Variants in PCDH15 observed in about 807,000 individuals in gnomAD.
The protein encoded by PCDH15 is protocadherin related 15, also known as protocadherin-15.
A neutral mutation model predicts 178.5 loss-of-function variants in PCDH15; 129 were observed. The ratio of observed to expected loss-of-function variants is 0.72; its 90% CI spans 0.63 to 0.84. The LOEUF (loss-of-function observed/expected upper bound fraction) is 0.84. Among genes scored for constraint, PCDH15 ranks in the 40% least tolerant of loss-of-function variants. The pLI, the probability that PCDH15 is intolerant of heterozygous loss-of-function variation, is 0.00. For synonymous variants in PCDH15, 800 were observed against 732.0 expected (o/e 1.09, Z -1.50); for missense variants, 2,230 against 2,099.9 (o/e 1.06, Z -1.21).
intron 1 of PCDH15, among the ~76,000 whole-genome samples, chr10:55,204,991 CT>C (rs958962934): frequency 7.9e-5 from 12 of 151,838 alleles, no homozygotes; most frequent in Admixed American, 6.6e-4. Flanking sequence ...ACAAATTTGG[CT>C]TTTTTCTGTT....
intron 3 of PCDH15, among the ~76,000 whole-genome samples, chr10:54,866,563 C>T (rs971705332): frequency 6.6e-6 from 1 of 152,184 alleles, no homozygotes; most frequent in Non-Finnish European, 1.5e-5. Flanking sequence ...TTTCAGAATA[C>T]TCATCCTAGG....
intron 2 of PCDH15, among the ~76,000 whole-genome samples, chr10:55,622,284 C>G (rs766094668): frequency 6.7e-6 from 1 of 150,168 alleles, no homozygotes; most frequent in Admixed American, 6.7e-5. Context: ...GCTGGGATTA[C>G]GGGCATAAGC....
intron 2 of PCDH15, among the ~76,000 whole-genome samples, chr10:54,630,869 G>A (rs2093683228): frequency 6.6e-6 from 1 of 152,050 alleles, no homozygotes; most frequent in Non-Finnish European, 1.5e-5. Context: ...AGTTCTCAAA[G>A]GAAGACTTAC....
At chr10:55,190,116 C>G (rs1670467193) in intron 1 of PCDH15, among the ~76,000 whole-genome samples, 1 of 151,712 alleles carries the variant, frequency 6.6e-6, no homozygotes, top group African/African-American at 2.4e-5. Flanking sequence ...CTCATAGTCT[C>G]TATGTCAAGC....
chr10:55,334,339 C>T (rs1415879129), intron 2 of PCDH15, among the ~76,000 whole-genome samples: 1 of 143,956 alleles, frequency 6.9e-6, no homozygotes, highest in Non-Finnish European at 1.5e-5. Context: ...CAGAGTTTCG[C>T]TCTTGTTGCC....
At chr10:54,795,488 A>G (rs950860485) in intron 1 of PCDH15, among the ~76,000 whole-genome samples, 1 of 151,850 alleles carries the variant, frequency 6.6e-6, no homozygotes, top group East Asian at 1.9e-4. Context: ...GCAATGTTTC[A>G]TATTAAAAAA....
intron 1 of PCDH15, among the ~76,000 whole-genome samples, chr10:54,667,592 G>A (rs1403275847): frequency 3.3e-5 from 5 of 152,038 alleles, no homozygotes; most frequent in African/African-American, 1.2e-4. Flanking sequence ...ATCTTGCTAA[G>A]TGACTGTAGG....
At chr10:54,550,941 A>G (rs1016520207) in intron 2 of PCDH15, among the ~76,000 whole-genome samples, 5 of 151,950 alleles carry the variant, frequency 3.3e-5, no homozygotes, top group African/African-American at 4.8e-5. Context: ...GGATCACTTG[A>G]GGCCAGGAGT....
intron 23 of PCDH15, among the ~76,000 whole-genome samples, chr10:53,945,763 T>A (rs2134124231): frequency 6.7e-6 from 1 of 149,850 alleles, no homozygotes; most frequent in South Asian, 2.1e-4. Context: ...AATAGAATAC[T>A]AAAGTCTAGG....
At chr10:55,071,147 C>T (rs1004916116) in intron 2 of PCDH15, among the ~76,000 whole-genome samples, 24 of 152,214 alleles carry the variant, frequency 1.6e-4, no homozygotes, top group African/African-American at 5.8e-4. Context: ...CAAAATCATG[C>T]CAAATTGTAA....
intron 25 of PCDH15, chr10:53,905,289 A>C (rs2082598037): frequency 4.0e-6 from 2 of 503,974 alleles, no homozygotes; most frequent in African/African-American, 3.9e-5. Flanking sequence ...AATAGGATAC[A>C]TTAAATCAAA....
intron 2 of PCDH15, among the ~76,000 whole-genome samples, chr10:55,014,799 T>A (rs572849418): frequency 5.3e-5 from 8 of 152,332 alleles, no homozygotes; most frequent in African/African-American, 1.9e-4. Context: ...AAAATACTTT[T>A]TTAATTGAAA....
At chr10:55,621,244 A>G (rs1235350454) in intron 2 of PCDH15, among the ~76,000 whole-genome samples, 6 of 152,158 alleles carry the variant, frequency 3.9e-5, no homozygotes, top group African/African-American at 1.4e-4. Flanking sequence ...TAACATGTCT[A>G]TTTGTTAGTT....
chr10:54,632,325 T>C (rs2093725332), intron 2 of PCDH15, among the ~76,000 whole-genome samples: 1 of 152,080 alleles, frequency 6.6e-6, no homozygotes, highest in Non-Finnish European at 1.5e-5. Context: ...AAATACCTGC[T>C]AGGTACTATG....
chr10:54,387,200 C>T (rs561630308), intron 3 of PCDH15, among the ~76,000 whole-genome samples: 209 of 152,220 alleles, frequency 1.4e-3, no homozygotes, highest in Admixed American at 4.6e-3. Context: ...AGTATTACCA[C>T]GTGATTCAGC....
At chr10:54,428,250 C>T (rs1025950867) in intron 3 of PCDH15, among the ~76,000 whole-genome samples, 3 of 152,174 alleles carry the variant, frequency 2.0e-5, no homozygotes, top group Non-Finnish European at 4.4e-5. Flanking sequence ...TGACTCATAG[C>T]TGGCTAATGT....
At chr10:54,470,720 A>G (rs2077855335) in intron 3 of PCDH15, among the ~76,000 whole-genome samples, 1 of 152,094 alleles carries the variant, frequency 6.6e-6, no homozygotes, top group Admixed American at 6.6e-5. Flanking sequence ...GAGCCTCTGC[A>G]TACTCCTTGC....
intron 3 of PCDH15, among the ~76,000 whole-genome samples, chr10:54,469,995 C>T (rs775065821): frequency 3.3e-5 from 5 of 152,144 alleles, no homozygotes; most frequent in Non-Finnish European, 5.9e-5. Context: ...GGATGATACA[C>T]AGGCCCTTGA....
chr10:53,932,451 A>C (rs1297629850), intron 25 of PCDH15, among the ~76,000 whole-genome samples: 1 of 152,216 alleles, frequency 6.6e-6, no homozygotes, highest in Non-Finnish European at 1.5e-5. Context: ...TTTTCTGTCT[A>C]CATTTATCTG....
Sources: allele counts gnomAD v4.1 joint callset (sites outside exome capture counted in the v4.1 genomes callset), GRCh38; gene constraint gnomAD v4.1.1; transcripts MANE v1.5; gene names NCBI Gene and HGNC (gene_info 2026-07-23, HGNC 2026-07-21).